Variants in DLGAP2 observed in about 807,000 individuals in gnomAD.
DLGAP2 encodes disks large-associated protein 2.
In DLGAP2, 26 loss-of-function variants were observed where a neutral mutation model predicts 100.3. The ratio of observed to expected loss-of-function variants is 0.26; its 90% CI spans 0.19 to 0.36. The LOEUF (loss-of-function observed/expected upper bound fraction) is 0.36, where lower values mean the gene tolerates loss of function less well. Ranked by LOEUF, DLGAP2 falls within the 10% of genes least tolerant of loss-of-function variation. The pLI, the probability that DLGAP2 is intolerant of heterozygous loss-of-function variation, is 1.00. For missense variants in DLGAP2, 1,858 were observed against 1,453.2 expected (o/e 1.28, Z -4.53); for synonymous variants, 886 against 630.1 (o/e 1.41, Z -6.08).
chr8:987,998 A>G (rs1478479625), intron 2 of DLGAP2, among the ~76,000 whole-genome samples: 9 of 152,100 alleles, frequency 5.9e-5, no homozygotes, highest in African/African-American at 1.9e-4. Context: ...CTGGTTCTCG[A>G]TGTAGCTTCT....
intron 2 of DLGAP2, among the ~76,000 whole-genome samples, chr8:1,193,624 G>A (rs1299156649): frequency 6.6e-6 from 1 of 152,094 alleles, no homozygotes; most frequent in Non-Finnish European, 1.5e-5. Flanking sequence ...GTCCGCTGGT[G>A]GATACTTAGG....
chr8:1,269,773 C>G (rs1273374303), intron 3 of DLGAP2, among the ~76,000 whole-genome samples: 1 of 152,106 alleles, frequency 6.6e-6, no homozygotes, highest in African/African-American at 2.4e-5. Context: ...GCAAAAAAGG[C>G]TGGCGAGGAT....
chr8:973,319 G>A (rs1584937095), intron 2 of DLGAP2, among the ~76,000 whole-genome samples: 2 of 152,024 alleles, frequency 1.3e-5, no homozygotes, highest in African/African-American at 4.8e-5. Context: ...TCCCAGACAG[G>A]GCGGCTGCCG....
At chr8:1,070,717 G>A (rs927744936) in intron 2 of DLGAP2, among the ~76,000 whole-genome samples, 2 of 152,186 alleles carry the variant, frequency 1.3e-5, no homozygotes, top group Admixed American at 1.3e-4. Flanking sequence ...GGGAAAGTTA[G>A]CCTTCAAAAC....
intron 3 of DLGAP2, among the ~76,000 whole-genome samples, chr8:1,370,609 G>C (rs1475764101): frequency 1.3e-5 from 2 of 152,136 alleles, no homozygotes; most frequent in Non-Finnish European, 2.9e-5. Context: ...TCACCCTCTG[G>C]TTGCTACAGG....
chr8:1,230,871 A>G (rs554880538), intron 2 of DLGAP2, among the ~76,000 whole-genome samples: 2 of 152,214 alleles, frequency 1.3e-5, no homozygotes, highest in African/African-American at 4.8e-5. Context: ...ATGAATTACA[A>G]ATTTAAATGT....
chr8:744,851 C>A (rs34363368), intron 1 of DLGAP2, among the ~76,000 whole-genome samples: 1 of 152,084 alleles, frequency 6.6e-6, no homozygotes, highest in South Asian at 2.1e-4. Flanking sequence ...GCTGCTTCCC[C>A]GGCCCCGATG....
chr8:800,637 C>T (rs1008838636), intron 1 of DLGAP2, among the ~76,000 whole-genome samples: 12 of 151,950 alleles, frequency 7.9e-5, no homozygotes, highest in Admixed American at 7.2e-4. Context: ...TATGTGTGTG[C>T]ATGTCTATGT....
chr8:1,512,880 C>T (rs1228111756), intron 4 of DLGAP2, among the ~76,000 whole-genome samples: 1 of 152,260 alleles, frequency 6.6e-6, no homozygotes, highest in African/African-American at 2.4e-5. Context: ...AAGTGAGGCC[C>T]CGGGTCATGG....
chr8:1,452,119 C>T (rs1322250343), intron 3 of DLGAP2, among the ~76,000 whole-genome samples: 1 of 152,280 alleles, frequency 6.6e-6, no homozygotes, highest in Non-Finnish European at 1.5e-5. Flanking sequence ...CATGCCAGGG[C>T]CGTGTCTTCC....
chr8:750,176 G>C (rs1051017644), intron 1 of DLGAP2, among the ~76,000 whole-genome samples: 1 of 152,226 alleles, frequency 6.6e-6, no homozygotes, highest in African/African-American at 2.4e-5. Flanking sequence ...ATGGGCGAAC[G>C]TTCCTGAGTC....
chr8:1,568,182 C>T (rs1192181478), intron 6 of DLGAP2, among the ~76,000 whole-genome samples: 4 of 148,042 alleles, frequency 2.7e-5, no homozygotes, highest in Non-Finnish European at 6.0e-5. Context: ...TCAGCAGACA[C>T]AAATCTGTCT....
intron 2 of DLGAP2, among the ~76,000 whole-genome samples, chr8:932,707 G>A (rs1436663764): frequency 2.0e-5 from 3 of 152,240 alleles, no homozygotes; most frequent in East Asian, 1.9e-4. Flanking sequence ...AGAAAGAATC[G>A]TGAACATAAA....
intron 2 of DLGAP2, among the ~76,000 whole-genome samples, chr8:1,001,340 A>G (rs769578532): frequency 2.6e-5 from 4 of 152,242 alleles, no homozygotes; most frequent in South Asian, 2.1e-4. Context: ...GAACAAAAAC[A>G]TAAGTTTGTG....
chr8:806,848 C>G (rs1021623416), intron 1 of DLGAP2, among the ~76,000 whole-genome samples: 1 of 152,132 alleles, frequency 6.6e-6, no homozygotes, highest in Admixed American at 6.5e-5. Flanking sequence ...AAAGAAGAAG[C>G]ATTAAATTAT....
At chr8:1,575,278 A>G (rs1475685252) in intron 6 of DLGAP2, among the ~76,000 whole-genome samples, 1 of 152,096 alleles carries the variant, frequency 6.6e-6, no homozygotes, top group African/African-American at 2.4e-5. Context: ...ATTAGGTTAC[A>G]TGAAATAAGC....
rs1798574770 is a variant in DLGAP2, at chr8:1,233,270, C to G, written c.74-25581C>G. On this transcript the variant is annotated intron_variant, in intron 2 of 14. Transcript: ENST00000637795. ...CTGCTGTGAACATTTGTGTGAGCAT[C>G]CTGGATGCATTCCCCTACCTTTCAC... is the stretch of plus-strand genomic sequence containing the variant. Among the ~76,000 whole-genome samples, 3 of 152,186 alleles carry G rather than the reference C, an allele frequency of 2.0e-5. No individual in the cohort carries two copies. In the South Asian group the frequency reaches 6.2e-4, roughly 32 times the overall value.
chr8:779,831 T>G (rs183499548), intron 1 of DLGAP2, among the ~76,000 whole-genome samples: 2 of 152,070 alleles, frequency 1.3e-5, no homozygotes, highest in East Asian at 3.9e-4. Context: ...ATTCCTTTTT[T>G]ATATTTTATT....
intron 2 of DLGAP2, among the ~76,000 whole-genome samples, chr8:1,187,209 G>T (rs879366928): frequency 2.0e-5 from 3 of 152,044 alleles, no homozygotes; most frequent in Admixed American, 1.3e-4. Context: ...TTTCCCTCAC[G>T]GAATTTCACA....
Sources: allele counts gnomAD v4.1 joint callset (sites outside exome capture counted in the v4.1 genomes callset), GRCh38; gene constraint gnomAD v4.1.1; transcripts MANE v1.5; gene names NCBI Gene and HGNC (gene_info 2026-07-23, HGNC 2026-07-21).